WDR59: variants seen among roughly 807,000 people sequenced by gnomAD.
WDR59 encodes the protein GATOR2 complex protein WDR59.
Under a neutral mutation model 131.2 loss-of-function variants are expected in WDR59, and 100 were observed. The ratio of observed to expected loss-of-function variants is 0.76; its 90% confidence interval spans 0.65 to 0.90. The LOEUF (loss-of-function observed/expected upper bound fraction) is 0.90. Ranked by LOEUF, WDR59 falls within the 40% of genes least tolerant of loss-of-function variation. WDR59 has a pLI of 0.00. For missense variants in WDR59, 1,203 were observed against 1,262.2 expected (o/e 0.95, Z 0.71); for synonymous variants, 601 against 466.2 (o/e 1.29, Z -3.72).
chr16:74,925,057 T>C (rs1372593188), intron 8 of WDR59, among the ~76,000 whole-genome samples: 1 of 152,228 alleles, frequency 6.6e-6, no homozygotes, highest in Non-Finnish European at 1.5e-5. Flanking sequence ...AGTGGCTCTA[T>C]TCACAATCAC....
chr16:74,921,158 C>A (rs2030181985), intron 10 of WDR59, among the ~76,000 whole-genome samples: 1 of 152,106 alleles, frequency 6.6e-6, no homozygotes, highest in Non-Finnish European at 1.5e-5. Context: ...AAACTCCTGT[C>A]ATGGGGGTTT....
chr16:74,909,104 G>A, intron 16 of WDR59, 127 bp from the exon 17 acceptor site: 7 of 794,752 alleles, frequency 8.8e-6, no homozygotes, highest in Non-Finnish European at 1.5e-5. Flanking sequence ...TTCATAAGCT[G>A]CAAGACTCCT....
At chr16:74,938,523 G>C (rs569421060) in intron 7 of WDR59, among the ~76,000 whole-genome samples, 1 of 152,194 alleles carries the variant, frequency 6.6e-6, no homozygotes, top group East Asian at 1.9e-4. Context: ...ATACAAGGTA[G>C]TAGGTGCTTT....
At chr16:74,904,884 A>G (rs1423224477) in intron 17 of WDR59, among the ~76,000 whole-genome samples, 1 of 152,238 alleles carries the variant, frequency 6.6e-6, no homozygotes, top group East Asian at 1.9e-4. Context: ...CAAGGCATCA[A>G]TACAAATTCA....
In WDR59 at chr16:74,872,285, C is replaced by A. The variant is rs1488713868; in HGVS notation, c.*1924G>T. The A allele has an allele frequency of 6.6e-6, 1 of 152,122 alleles. No individual in the cohort carries two copies. The highest frequency in any genetic ancestry group is 2.4e-5 in the African/African-American group (1 of 41,432). 9.4% of individuals were successfully genotyped at this position (152,122 alleles called of 1,614,324 possible). A position where few individuals can be genotyped will look rare whatever the true frequency, so the allele number is the denominator to read the frequency against. On this transcript the variant is annotated 3_prime_UTR_variant, in exon 26 of 26. Transcript: ENST00000262144. ...CTCCCATTATGAGACATGTCCTAGT[C>A]CCTAAGCTAATCTACTTGGAACTGT...
chr16:74,908,445 C>T (rs1314423280), intron 17 of WDR59, among the ~76,000 whole-genome samples: 5 of 152,036 alleles, frequency 3.3e-5, no homozygotes, highest in East Asian at 3.8e-4. Flanking sequence ...AAAACTTCCA[C>T]GTTTGTGTTT....
intron 1 of WDR59, among the ~76,000 whole-genome samples, chr16:74,973,171 G>T (rs1400201197): frequency 1.3e-5 from 2 of 152,086 alleles, no homozygotes; most frequent in Non-Finnish European, 2.9e-5. Flanking sequence ...AACCCGGGAG[G>T]TAGAGGTTGC....
At chr16:74,899,276 A>G (rs961771396) in intron 18 of WDR59, among the ~76,000 whole-genome samples, 5 of 152,204 alleles carry the variant, frequency 3.3e-5, no homozygotes, top group African/African-American at 1.2e-4. Context: ...TCTGTGAACT[A>G]GACCAGGACT....
At chr16:74,957,011 A>G (rs2033323013) in intron 2 of WDR59, among the ~76,000 whole-genome samples, 1 of 152,062 alleles carries the variant, frequency 6.6e-6, no homozygotes, top group African/African-American at 2.4e-5. Flanking sequence ...AGGACTAATA[A>G]TTTAAGGCTC....
intron 8 of WDR59, among the ~76,000 whole-genome samples, chr16:74,931,689 C>T (rs923698297): frequency 2.6e-5 from 4 of 152,008 alleles, no homozygotes; most frequent in African/African-American, 9.7e-5. Context: ...GCCTGGTGAA[C>T]ATGGGGAGAC....
At chr16:74,919,147 C>T (rs927691850) in intron 10 of WDR59, among the ~76,000 whole-genome samples, 2 of 152,226 alleles carry the variant, frequency 1.3e-5, no homozygotes, top group Non-Finnish European at 1.5e-5. Context: ...TTTGCTTCCC[C>T]GACTCCCTTG....
chr16:74,911,089 C>T (rs545607955), intron 14 of WDR59, among the ~76,000 whole-genome samples: 2 of 152,290 alleles, frequency 1.3e-5, no homozygotes, highest in South Asian at 2.1e-4. Context: ...GTCTTGAACT[C>T]CTGACCTCAG....
At chr16:74,979,850 T>TC (rs2034331871) in intron 1 of WDR59, among the ~76,000 whole-genome samples, 1 of 135,060 alleles carries the variant, frequency 7.4e-6, no homozygotes, top group Admixed American at 7.7e-5. Flanking sequence ...TTTTTTTTTT[T>TC]TTTTTTTTTT....
At chr16:74,904,313 G>T in intron 17 of WDR59, 1 of 537,526 alleles carries the variant, frequency 1.9e-6, no homozygotes, top group Non-Finnish European at 3.2e-6. Context: ...AAATTCAAAG[G>T]AATCTACAAA....
In WDR59 at chr16:74,901,940, T is replaced by A. The variant is rs117265799; in HGVS notation, c.1866+2007A>T. On this transcript the variant is annotated intron_variant, in intron 18 of 25. Coordinates refer to ENST00000262144, the MANE Select transcript of WDR59 (RefSeq NM_030581.4). The stretch of plus-strand genomic sequence containing the variant: ...GAGAGAGAAATTTATGTCAAATTCA[T>A]CACAAAATGACTGACTTATTCATTT... 3.3e-4 allele frequency among the ~76,000 whole-genome samples: 50 copies of A among 152,288 alleles called. No homozygotes were observed. In the East Asian group the frequency reaches 9.1e-3, roughly 28 times the overall value.
At chr16:74,884,602 C>T (rs1314010529) in intron 25 of WDR59, among the ~76,000 whole-genome samples, 1 of 152,226 alleles carries the variant, frequency 6.6e-6, no homozygotes, top group Non-Finnish European at 1.5e-5. Context: ...CCTGACTTGG[C>T]CTCCCAAAGT....
chr16:74,927,761 G>A (rs1479227986), intron 8 of WDR59, among the ~76,000 whole-genome samples: 2 of 151,248 alleles, frequency 1.3e-5, no homozygotes, highest in African/African-American at 4.9e-5. Flanking sequence ...CACACTTGGT[G>A]GCAGCAAGAG....
chr16:74,877,276 A>G (rs890917604), intron 25 of WDR59, among the ~76,000 whole-genome samples: 1 of 152,216 alleles, frequency 6.6e-6, no homozygotes, highest in African/African-American at 2.4e-5. Flanking sequence ...GTATCTTAAC[A>G]TTTTTAAACA....
Position 74,912,270 on chromosome 16 carries a change from G to C in WDR59, c.1317C>G (p.Asn439Lys). The change falls in exon 14 of 26, where the codon AAC becomes AAG. Residue 439 changes from asparagine (N) to lysine (K), a missense_variant. Physicochemically the swap from Asn to Lys is moderately conservative, Grantham distance 94 (BLOSUM62 0). Coordinates refer to ENST00000262144, the MANE Select transcript of WDR59 (RefSeq NM_030581.4). ...TAAACTGGAAGGAAGGGGCGGCGTTGTTTGGGTACTGTGCAGGGAACTTCA... is the reference window on the plus strand; with the variant it reads ...TAAACTGGAAGGAAGGGGCGGCGTTCTTTGGGTACTGTGCAGGGAACTTCA... Reference protein sequence around the residue: ...MLVKFPAQYPNNAAPSFQFIN... With the variant: ...MLVKFPAQYPKNAAPSFQFIN... 3.7e-6 allele frequency: 6 copies of C among 1,614,222 alleles called. No individual in the cohort carries two copies. The highest frequency in any genetic ancestry group is 5.1e-6 in the Non-Finnish European group (6 of 1,180,040).
Sources: allele counts gnomAD v4.1 joint callset (sites outside exome capture counted in the v4.1 genomes callset), GRCh38; gene constraint gnomAD v4.1.1; transcripts MANE v1.5; gene names NCBI Gene and HGNC (gene_info 2026-07-23, HGNC 2026-07-21).